Variants in PTCHD4 observed in about 807,000 individuals in gnomAD.
PTCHD4 encodes the protein patched domain-containing protein 4.
Under a neutral mutation model 58.1 loss-of-function variants are expected in PTCHD4, and 33 were observed. The observed-to-expected ratio is 0.57, with a 90% CI of 0.43 to 0.76. The LOEUF (loss-of-function observed/expected upper bound fraction) is 0.76. Among genes scored for constraint, PTCHD4 ranks in the 30% least tolerant of loss-of-function variants. PTCHD4 has a pLI of 0.00. For synonymous variants in PTCHD4, 478 were observed against 409.6 expected, an observed-to-expected ratio of 1.17 and a Z score of -2.02; for missense variants, 1,058 against 1,027.1, an observed-to-expected ratio of 1.03 and a Z score of -0.41.
chr6:48,079,969 GATTTTTTTTTTTTTTTT>G (rs762859715), intron 1 of PTCHD4, among the ~76,000 whole-genome samples: 1 of 91,524 alleles, frequency 1.1e-5, no homozygotes, highest in African/African-American at 4.4e-5. Flanking sequence ...CCCTTATGAT[GATTTTTTTTTTTTTTTT>G]TTTTTTTTTT....
At chr6:47,960,823 A>G (rs1301195922) in intron 4 of PTCHD4, among the ~76,000 whole-genome samples, 1 of 152,084 alleles carries the variant, frequency 6.6e-6, no homozygotes, top group Non-Finnish European at 1.5e-5. Context: ...AAAGAGATAA[A>G]TACAAATTCA....
intron 3 of PTCHD4, among the ~76,000 whole-genome samples, chr6:48,043,046 C>G (rs1247246508): frequency 6.6e-6 from 1 of 151,816 alleles, no homozygotes; most frequent in Non-Finnish European, 1.5e-5. Context: ...AACAGAGAGA[C>G]AGTATCGGTG....
intron 4 of PTCHD4, among the ~76,000 whole-genome samples, chr6:47,946,263 C>A (rs1242448036): frequency 6.6e-6 from 1 of 151,954 alleles, no homozygotes; most frequent in African/African-American, 2.4e-5. Context: ...TTTTTTTCTG[C>A]TACATTTATC....
chr6:47,933,378 G>A (rs1391414525), intron 4 of PTCHD4, among the ~76,000 whole-genome samples: 1 of 152,228 alleles, frequency 6.6e-6, no homozygotes, highest in Non-Finnish European at 1.5e-5. Context: ...TCAAGAAAGA[G>A]TTCTGTGTCC....
intron 4 of PTCHD4, among the ~76,000 whole-genome samples, chr6:47,966,007 G>A (rs1311518179): frequency 1.3e-5 from 2 of 152,112 alleles, no homozygotes; most frequent in Non-Finnish European, 2.9e-5. Flanking sequence ...AGTGCATTGA[G>A]GAATAAAATA....
At chr6:48,003,233 C>A (rs890766708) in intron 4 of PTCHD4, among the ~76,000 whole-genome samples, 3 of 152,048 alleles carry the variant, frequency 2.0e-5, no homozygotes, top group African/African-American at 7.2e-5. Flanking sequence ...AAATTTGTAT[C>A]TTCAGCTCTA....
chr6:48,065,258 T>G (rs1233412453), intron 3 of PTCHD4, among the ~76,000 whole-genome samples: 1 of 152,198 alleles, frequency 6.6e-6, no homozygotes, highest in African/African-American at 2.4e-5. Flanking sequence ...AATTGCCAAT[T>G]CATACTCATG....
At position 48,022,639 on chromosome 6, in the gene PTCHD4, T is replaced by C. The variant is rs530858547; in HGVS notation, c.418-13525A>G. On this transcript the variant is annotated intron_variant, in intron 3 of 4. Coordinates refer to ENST00000339488, the MANE Select transcript of PTCHD4 (RefSeq NM_001384253.1). ...GTGCAACAGCTTACCTTTGCAAGAG[T>C]GTTAACATTTTCTGGGCTGATGTGA... Among the ~76,000 whole-genome samples the C allele has an allele frequency of 1.7e-3, 252 of 152,164 alleles. 2 individuals carry two copies. Among genetic ancestry groups the C allele is most frequent in the Middle Eastern group, 6.8e-3 (2 of 294 alleles).
chr6:47,885,492 G>A (rs768937212), intron 4 of PTCHD4, among the ~76,000 whole-genome samples: 12 of 152,126 alleles, frequency 7.9e-5, no homozygotes, highest in South Asian at 4.1e-4. Context: ...GGTCATGGTC[G>A]TGCAGGTCTG....
chr6:47,960,962 T>TAA (rs66754863), intron 4 of PTCHD4, among the ~76,000 whole-genome samples: 20 of 119,874 alleles, frequency 1.7e-4, no homozygotes, highest in South Asian at 2.8e-4. Flanking sequence ...CTTTTTTTTT[T>TAA]AAAAAAAAAA....
chr6:47,996,009 A>G (rs888086324), intron 4 of PTCHD4, among the ~76,000 whole-genome samples: 10 of 152,230 alleles, frequency 6.6e-5, no homozygotes, highest in Admixed American at 6.5e-4. Context: ...TTTTAAGGGT[A>G]CATGTGCAGG....
chr6:48,083,191 T>C (rs1765199298), intron 1 of PTCHD4, among the ~76,000 whole-genome samples: 1 of 151,184 alleles, frequency 6.6e-6, no homozygotes, highest in South Asian at 2.1e-4. Flanking sequence ...AGATAGGGTA[T>C]TGGCAAGCTT....
chr6:48,050,591 AG>A (rs1764197381), intron 3 of PTCHD4, among the ~76,000 whole-genome samples: 1 of 152,018 alleles, frequency 6.6e-6, no homozygotes, highest in Non-Finnish European at 1.5e-5. Flanking sequence ...TAGTGCTCTA[AG>A]GGCTGTTGGT....
At chr6:48,083,253 A>G (rs1765200233) in intron 1 of PTCHD4, among the ~76,000 whole-genome samples, 1 of 151,844 alleles carries the variant, frequency 6.6e-6, no homozygotes, top group African/African-American at 2.4e-5. Context: ...GGCAAAATAG[A>G]GAATATTATA....
At chr6:48,049,477 A>T (rs1290331446) in intron 3 of PTCHD4, among the ~76,000 whole-genome samples, 1 of 151,890 alleles carries the variant, frequency 6.6e-6, no homozygotes, top group Non-Finnish European at 1.5e-5. Flanking sequence ...TGAGGATAAA[A>T]ATGTTGATTT....
chr6:47,937,159 T>C (rs1394787696), intron 4 of PTCHD4, among the ~76,000 whole-genome samples: 1 of 152,210 alleles, frequency 6.6e-6, no homozygotes, highest in African/African-American at 2.4e-5. Flanking sequence ...CAGAATCAAC[T>C]ATGAAGTTTT....
chr6:47,987,968 G>T (rs983828061), intron 4 of PTCHD4, among the ~76,000 whole-genome samples: 3 of 151,956 alleles, frequency 2.0e-5, no homozygotes, highest in African/African-American at 7.3e-5. Context: ...GTAGAGATGG[G>T]TTTTCACCAT....
At position 48,086,458 on chromosome 6, in the gene PTCHD4, C is replaced by CA. The variant is rs199629392; in HGVS notation, c.-969-16533dup. On this transcript the variant is annotated intron_variant, in intron 1 of 4. Coordinates refer to ENST00000339488, the MANE Select transcript of PTCHD4 (RefSeq NM_001384253.1). The stretch of plus-strand genomic sequence containing the variant: ...TCTTTAATAAAAGTCTAGTATCCAT[C>CA]AAAAAAAAAAATCAAAAAAATTCAA... Among the ~76,000 whole-genome samples the CA allele has an allele frequency of 5.2e-3, 749 of 144,398 alleles. 2 individuals are homozygous for CA. Among genetic ancestry groups the CA allele is most frequent in the Middle Eastern group, 0.018 (5 of 278 alleles). The allele number at this position is 144,398 out of a possible 152,430, so 94.7% of individuals were successfully genotyped here.
At chr6:47,888,581 G>A (rs1240987950) in intron 4 of PTCHD4, among the ~76,000 whole-genome samples, 1 of 152,120 alleles carries the variant, frequency 6.6e-6, no homozygotes, top group Non-Finnish European at 1.5e-5. Flanking sequence ...AAGACATATA[G>A]TCTCATCCAG....
Sources: gnomAD v4.1 joint callset for allele counts (sites outside exome capture counted in the v4.1 genomes callset) on GRCh38, gnomAD v4.1.1 for gene constraint, MANE v1.5 for transcripts, NCBI Gene and HGNC (gene_info 2026-07-23, HGNC 2026-07-21) for gene names.